The following TULP4 variants were observed in gnomAD, a reference collection of about 807,000 sequenced individuals.
The protein encoded by TULP4 is TUB like protein 4.
TULP4 carries 16 observed loss-of-function variants against 129.0 expected under a neutral mutation model. That is an observed-to-expected ratio of 0.12 (90% CI 0.08 to 0.19). The LOEUF is 0.19. TULP4 is among the 10% of genes least tolerant of loss of function. TULP4 has a pLI of 1.00. For synonymous variants in TULP4, 998 were observed against 854.0 expected (o/e 1.17, Z -2.94); for missense variants, 1,842 against 2,059.1 (o/e 0.89, Z 2.04).
chr6:158,340,556 A>T (rs1780156971), intron 1 of TULP4, among the ~76,000 whole-genome samples: 1 of 152,136 alleles, frequency 6.6e-6, no homozygotes, highest in African/African-American at 2.4e-5. Context: ...CTGCACCTGC[A>T]TTGAGTCCTG....
chr6:158,261,261 A>G (rs1050397021), intron 1 of TULP4, among the ~76,000 whole-genome samples: 1 of 152,264 alleles, frequency 6.6e-6, no homozygotes, highest in African/African-American at 2.4e-5. Flanking sequence ...ACTGAGAAAC[A>G]TAATTTATAT....
intron 1 of TULP4, among the ~76,000 whole-genome samples, chr6:158,394,080 T>C (rs1295135952): frequency 6.6e-6 from 1 of 152,260 alleles, no homozygotes; most frequent in Non-Finnish European, 1.5e-5. Context: ...TTGACTGCTT[T>C]GCTGCTTAGA....
chr6:158,242,648 TC>T (rs1167671918), intron 1 of TULP4: 3 of 682,086 alleles, frequency 4.4e-6, no homozygotes, highest in Non-Finnish European at 8.2e-6. Flanking sequence ...CTCTGAAACT[TC>T]CTTTCTGGAT....
intron 1 of TULP4, among the ~76,000 whole-genome samples, chr6:158,318,982 G>A (rs1779560088): frequency 6.7e-6 from 1 of 148,760 alleles, no homozygotes; most frequent in Non-Finnish European, 1.5e-5. Context: ...CTAAACTTAA[G>A]TGATCCGCCC....
chr6:158,444,077 T>TG (rs1778970124), intron 3 of TULP4, among the ~76,000 whole-genome samples: 1 of 151,554 alleles, frequency 6.6e-6, no homozygotes, highest in Non-Finnish European at 1.5e-5. Flanking sequence ...AAAATTAGCC[T>TG]GGCGTGGTGG....
At chr6:158,290,916 G>A (rs540835641) in intron 1 of TULP4, among the ~76,000 whole-genome samples, 109 of 152,320 alleles carry the variant, frequency 7.2e-4, no homozygotes, top group Non-Finnish European at 1.2e-3. Context: ...CTACCGGATA[G>A]TGTCGGGCAA....
intron 1 of TULP4, among the ~76,000 whole-genome samples, chr6:158,239,320 G>A (rs1411943654): frequency 1.9e-5 from 1 of 53,770 alleles, no homozygotes; most frequent in Non-Finnish European, 4.1e-5. Flanking sequence ...GGGCAGAGGC[G>A]CCCCTCACCT....
rs114734330 is a variant in TULP4, at chr6:158,431,962, C to T, written c.543+2065C>T. Among the ~76,000 whole-genome samples the T allele has an allele frequency of 5.7e-3, 863 of 151,880 alleles. 12 individuals carry two copies. Among genetic ancestry groups the T allele is most frequent in the African/African-American group, 0.02 (821 of 41,406 alleles). ...TGGGATTTTGTTCTAGGAAAGCGCC[C>T]CCACTGCCTTTAAATAAAATGGTTG... is the stretch of plus-strand genomic sequence containing the variant. On this transcript the variant is annotated intron_variant, in intron 3 of 13. Coordinates refer to ENST00000367097, the MANE Select transcript of TULP4 (RefSeq NM_020245.5).
chr6:158,443,119 G>C (rs1778938459), intron 3 of TULP4, among the ~76,000 whole-genome samples: 1 of 152,120 alleles, frequency 6.6e-6, no homozygotes, highest in Non-Finnish European at 1.5e-5. Context: ...AAATAGCTGG[G>C]ACTACAGGCG....
intron 1 of TULP4, among the ~76,000 whole-genome samples, chr6:158,381,972 C>A (rs1212363776): frequency 2.0e-5 from 3 of 152,062 alleles, no homozygotes; most frequent in Non-Finnish European, 4.4e-5. Context: ...AGACAGTGAG[C>A]TCTTTTAGGG....
At chr6:158,406,635 T>G (rs978907291) in intron 1 of TULP4, among the ~76,000 whole-genome samples, 1 of 152,220 alleles carries the variant, frequency 6.6e-6, no homozygotes, top group Non-Finnish European at 1.5e-5. Flanking sequence ...ACCGTAATTA[T>G]AATGTAGCTC....
intron 1 of TULP4, among the ~76,000 whole-genome samples, chr6:158,250,075 A>G (rs148998411): frequency 0.012 from 1,759 of 152,132 alleles, 36 homozygotes; most frequent in African/African-American, 0.039. Flanking sequence ...GACTCAAGTG[A>G]TCCTTCCACC....
rs530959213 is a variant in TULP4, at chr6:158,502,407, C to T, written c.2744C>T (p.Thr915Ile). ...ATGCTGTGCTCCCAGAACACGTACA[C>T]CCTCCCCGGCCCGGGTAGCTCTGCC... ...TRMLCSQNTYTLPGPGSSATL... is the reference protein window; with the variant it reads ...TRMLCSQNTYILPGPGSSATL... Residue 915 changes from threonine to isoleucine, a missense_variant, in exon 13 of 14, where the codon ACC becomes ATC. Thr to Ile is a moderately conservative substitution (Grantham distance 89). This residue lies in a region of TULP4 where 1,089 missense variants were observed against 987.1 expected (regional missense o/e 1.10). Transcript: ENST00000367097. 1.2e-6 allele frequency: 2 copies of T among 1,613,748 alleles called. No homozygotes were observed. Among genetic ancestry groups the T allele is most frequent in the East Asian group, 2.2e-5 (1 of 44,866 alleles).
chr6:158,382,965 G>T (rs118077495), intron 1 of TULP4, among the ~76,000 whole-genome samples: 8 of 152,276 alleles, frequency 5.3e-5, no homozygotes, highest in Non-Finnish European at 1.0e-4. Context: ...GATCCTGAGA[G>T]GCGAATTAGT....
At position 158,353,873 on chromosome 6, in the gene TULP4, G is replaced by A. The variant is rs373234858; in HGVS notation, c.252+39605G>A. Among the ~76,000 whole-genome samples the A allele has an allele frequency of 2.6e-5, 4 of 152,248 alleles. No homozygotes were observed. In the East Asian group the frequency reaches 7.7e-4, roughly 29 times the overall value. ...ATAGACTTAGATTTTATTGATGGAA[G>A]GTAGAAGTACCTGGGCATTCCCTAA... On this transcript the variant is annotated intron_variant, in intron 1 of 13. Coordinates refer to ENST00000367097, the MANE Select transcript of TULP4 (RefSeq NM_020245.5).
At chr6:158,362,116 C>G (rs1385252763) in intron 1 of TULP4, among the ~76,000 whole-genome samples, 1 of 152,186 alleles carries the variant, frequency 6.6e-6, no homozygotes, top group Non-Finnish European at 1.5e-5. Flanking sequence ...TGTCCTGTGT[C>G]TAAAAATACA....
chr6:158,240,465 C>T (rs1173074133), intron 1 of TULP4, among the ~76,000 whole-genome samples: 3 of 81,408 alleles, frequency 3.7e-5, no homozygotes, highest in Admixed American at 1.3e-4. Flanking sequence ...GCTGGCTGGG[C>T]GGAAGGCTGA....
At chr6:158,414,593 G>A (rs1344780491) in intron 2 of TULP4, among the ~76,000 whole-genome samples, 3 of 152,176 alleles carry the variant, frequency 2.0e-5, no homozygotes, top group African/African-American at 7.2e-5. Context: ...CAGGCCTTGA[G>A]GTAGCAGCTT....
chr6:158,378,068 T>TG (rs1777232988), intron 1 of TULP4, among the ~76,000 whole-genome samples: 1 of 152,256 alleles, frequency 6.6e-6, no homozygotes, highest in South Asian at 2.1e-4. Context: ...CTTTGTCCAG[T>TG]AGGCTAGCCT....
Sources: gnomAD v4.1 joint callset for allele counts (sites outside exome capture counted in the v4.1 genomes callset) on GRCh38, gnomAD v4.1.1 for gene constraint, gnomAD v4.1.1 regional missense constraint, MANE v1.5 for transcripts, NCBI Gene and HGNC (gene_info 2026-07-23, HGNC 2026-07-21) for gene names.